CARS2: variants seen among roughly 807,000 people sequenced by gnomAD.
CARS2 encodes probable cysteine--tRNA ligase, mitochondrial.
Under a neutral mutation model 68.8 loss-of-function variants are expected in CARS2, and 52 were observed. That is an observed-to-expected ratio of 0.76 (90% CI 0.61 to 0.95). The LOEUF (loss-of-function observed/expected upper bound fraction) is 0.95, where lower values mean the gene tolerates loss of function less well. Among genes scored for constraint, CARS2 ranks in the 40% least tolerant of loss-of-function variants. The pLI is 0.00. For missense variants in CARS2, 780 were observed against 754.2 expected, an observed-to-expected ratio of 1.03 and a Z score of -0.40; for synonymous variants, 314 against 303.6, an observed-to-expected ratio of 1.03 and a Z score of -0.36.
At chr13:110,682,435 T>C (rs1050396267) in intron 6 of CARS2, among the ~76,000 whole-genome samples, 30 of 152,338 alleles carry the variant, frequency 2.0e-4, no homozygotes, top group Middle Eastern at 3.4e-3. Flanking sequence ...TTAGGATTCA[T>C]TGGCACAGTT....
chr13:110,643,022 G>C (rs1887612163), intron 13 of CARS2: 2 of 345,938 alleles, frequency 5.8e-6, no homozygotes, highest in Non-Finnish European at 1.1e-5. Context: ...GGGCGGTGTG[G>C]AAGGGGCAGC....
At chr13:110,713,061 G>GCC in intron 1 of CARS2, 1 of 1,459,486 alleles carries the variant, frequency 6.9e-7, no homozygotes, top group South Asian at 1.4e-5. Context: ...TTCCGCCCGT[G>GCC]CCCGGCCCTC....
At chr13:110,697,842 G>A (rs2063667970) in intron 3 of CARS2, 1 of 414,472 alleles carries the variant, frequency 2.4e-6, no homozygotes, top group South Asian at 1.8e-5. Flanking sequence ...GGCTAGAACT[G>A]CTAAACAGCC....
upstream of CARS2, among the ~76,000 whole-genome samples, chr13:110,709,693 A>G (rs1024972115): frequency 2.6e-5 from 4 of 152,020 alleles, no homozygotes; most frequent in African/African-American, 7.2e-5. Context: ...GGACCTTGTG[A>G]TTATGTAAGT....
chr13:110,654,984 T>C (rs1188119754), intron 9 of CARS2, among the ~76,000 whole-genome samples: 2 of 148,298 alleles, frequency 1.3e-5, no homozygotes, highest in Admixed American at 1.3e-4. Flanking sequence ...GGTAACCTGA[T>C]TAAAATTCTA....
chr13:110,692,023 T>TATACAC (rs1304954360), intron 3 of CARS2, among the ~76,000 whole-genome samples: 1 of 66,124 alleles, frequency 1.5e-5, no homozygotes, highest in African/African-American at 4.3e-5. Context: ...TATATATATA[T>TATACAC]ACACACACAC....
At chr13:110,667,191 G>T in intron 8 of CARS2, 149 bp downstream of exon 8, 2 of 788,508 alleles carry the variant, frequency 2.5e-6, no homozygotes, top group Admixed American at 3.2e-5. Flanking sequence ...ATGTTCAAAT[G>T]ATTGAAACTC....
chr13:110,654,285 A>G lies in CARS2; in HGVS notation c.988-3185T>C, dbSNP rs142718185. Among the ~76,000 whole-genome samples, 175 of 152,326 alleles carry G rather than the reference A, an allele frequency of 1.1e-3. 1 individual carries two copies. Among genetic ancestry groups the G allele is most frequent in the Admixed American group, 6.9e-3 (105 of 15,302 alleles). ...ACTAGAAAGCAGGTTTTAAACCATTATCTGAGCTCCAGGGTTGAGCTCTTT... is the reference window on the plus strand; with the variant it reads ...ACTAGAAAGCAGGTTTTAAACCATTGTCTGAGCTCCAGGGTTGAGCTCTTT... On this transcript the variant is annotated intron_variant, in intron 9 of 14. Transcript: ENST00000257347.
At chr13:110,671,584 CA>C (rs1173903159) in intron 7 of CARS2, among the ~76,000 whole-genome samples, 1 of 152,192 alleles carries the variant, frequency 6.6e-6, no homozygotes, top group African/African-American at 2.4e-5. Context: ...TGGAAAGGAA[CA>C]ACCAGTACCA....
intron 6 of CARS2, among the ~76,000 whole-genome samples, chr13:110,679,255 C>T (rs573122061): frequency 1.2e-4 from 19 of 152,142 alleles, no homozygotes; most frequent in Admixed American, 3.3e-4. Context: ...GGGAGCTGGG[C>T]GCGGTGGCTC....
chr13:110,701,501 G>T lies in CARS2; in HGVS notation c.330C>A (p.Cys110Ter). 1 of 1,599,408 alleles carries T rather than the reference G, an allele frequency of 6.3e-7. No individual in the cohort carries two copies. The highest frequency in any genetic ancestry group is 1.1e-5 in the South Asian group (1 of 90,750). ...TAATACCCATCACCATGACTATGCT[G>T]CATCCAAAAACCTTGGTTAGGATCC... ...IRRILTKVFG[C>*]SIVMVMGITD... Residue 110 changes from cysteine to a stop codon, truncating the protein, a stop_gained, in exon 3 of 15, where the codon TGC becomes TGA. Coordinates refer to ENST00000257347, the MANE Select transcript of CARS2 (RefSeq NM_024537.4). LOFTEE classifies it high-confidence loss of function.
chr13:110,696,830 GCCA>G (rs1332799672), intron 3 of CARS2, among the ~76,000 whole-genome samples: 7 of 152,134 alleles, frequency 4.6e-5, no homozygotes, highest in Non-Finnish European at 7.3e-5. Flanking sequence ...TACCACGCTG[GCCA>G]CCTCCTCCTT....
chr13:110,665,272 C>A lies in CARS2; in HGVS notation c.920-1754G>T. ...CCCAGCCTGGCCAACATGGTGAAAC[C>A]CTGCTTCTACTAAAAATACAAAAAT... On this transcript the variant is annotated intron_variant, in intron 8 of 14. Coordinates refer to ENST00000257347, the MANE Select transcript of CARS2 (RefSeq NM_024537.4). This position sits in a 1 kb window ranked among gnomAD's most constrained non-coding sequence, Gnocchi z 4.3. 2.9e-6 allele frequency: 2 copies of A among 691,834 alleles called. No homozygotes were observed. The highest frequency in any genetic ancestry group is 3.6e-6 in the Non-Finnish European group (2 of 562,016). 42.9% of individuals were successfully genotyped at this position (691,834 alleles called of 1,614,324 possible).
chr13:110,687,633 A>C (rs1210216923), intron 5 of CARS2, 88 bp downstream of exon 5: 6 of 776,962 alleles, frequency 7.7e-6, no homozygotes, highest in Admixed American at 4.6e-5. Context: ...GAGCTGAGAT[A>C]GCACCACTGC....
At position 110,699,447 on chromosome 13, in the gene CARS2, C is replaced by T. The variant is rs139857947; in HGVS notation, c.393+1991G>A. Among the ~76,000 whole-genome samples, 498 of 152,370 alleles carry T rather than the reference C, an allele frequency of 3.3e-3. 1 individual carries two copies. The highest frequency in any genetic ancestry group is 0.011 in the African/African-American group (472 of 41,586). ...GTATGTTAGAACATTTCCACTGTAA[C>T]ACATGCTGGTAAAAGCAGTGGTAAC... On this transcript the variant is annotated intron_variant, in intron 3 of 14. Transcript: ENST00000257347.
chr13:110,697,820 C>A (rs1182406540), intron 3 of CARS2: 1 of 376,628 alleles, frequency 2.7e-6, no homozygotes, highest in Non-Finnish European at 5.2e-6. Flanking sequence ...ATACAAACAG[C>A]AATTGGGAAA....
rs570568500 is a variant in CARS2 at position 110,647,219 on chromosome 13, C to T, written c.1075G>A (p.Ala359Thr). 130 of 1,613,114 alleles carry T rather than the reference C, an allele frequency of 8.1e-5. No individual in the cohort carries two copies. The South Asian group carries it at 1.0e-3, about 13-fold the overall frequency. Residue 359 changes from alanine (A) to threonine (T), a missense_variant, in exon 11 of 15, where the codon GCC becomes ACC. Transcript: ENST00000257347. ...YRSAIDYSDS[A>T]MLQAQQLLLG... ...AGCAGCTGCTGAGCTTGGAGCATGG[C>T]GCTGTCACTGTAGTCGATGGCTGAG...
chr13:110,644,045 A>G (rs1219036737), intron 13 of CARS2: 1 of 1,232,260 alleles, frequency 8.1e-7, no homozygotes, highest in Non-Finnish European at 1.1e-6. Context: ...CAAATGGGTC[A>G]GGAAAAAATG....
At chr13:110,666,660 A>G (rs1411427282) in intron 8 of CARS2, 1 of 985,336 alleles carries the variant, frequency 1.0e-6, no homozygotes, top group African/African-American at 1.7e-5. Flanking sequence ...TTCCCAATTC[A>G]AGGACTTCAA....
Sources: gnomAD v4.1 joint callset for allele counts (sites outside exome capture counted in the v4.1 genomes callset) on GRCh38, gnomAD v4.1.1 for gene constraint, Gnocchi (gnomAD v3.1) non-coding constraint, MANE v1.5 for transcripts, NCBI Gene and HGNC (gene_info 2026-07-23, HGNC 2026-07-21) for gene names.